The following C18orf63 variants were observed in gnomAD, a reference collection of about 807,000 sequenced individuals.
C18orf63 encodes uncharacterized protein C18orf63.
In C18orf63, 50 loss-of-function variants were observed where a neutral mutation model predicts 75.3. The observed-to-expected ratio is 0.66, with a 90% confidence interval of 0.53 to 0.84. C18orf63 has a LOEUF of 0.84. C18orf63 is among the 40% of genes least tolerant of loss of function. The pLI is 0.00. For missense variants in C18orf63, 732 were observed against 800.2 expected (o/e 0.91, Z 1.03); for synonymous variants, 232 against 267.6 (o/e 0.87, Z 1.30).
At chr18:74,354,635 C>G in intron 13 of C18orf63, 89 bp downstream of exon 13, 1 of 616,112 alleles carries the variant, frequency 1.6e-6, no homozygotes, top group Non-Finnish European at 2.8e-6. Context: ...TGGTAAAAAG[C>G]AGCTACTTTT....
At chr18:74,335,364 T>A (rs754717268) in intron 7 of C18orf63, among the ~76,000 whole-genome samples, 1 of 152,134 alleles carries the variant, frequency 6.6e-6, no homozygotes, top group Non-Finnish European at 1.5e-5. Flanking sequence ...TAATTCATTA[T>A]GAAAAATGGG....
Position 74,343,459 on chromosome 18 carries a change from C to T in C18orf63, c.795-60C>T. 6 of 1,067,884 alleles carry T rather than the reference C, an allele frequency of 5.6e-6. No individual in the cohort carries two copies. In the South Asian group the frequency reaches 5.7e-5, roughly 10 times the overall value. 66.2% of individuals were successfully genotyped at this position (1,067,884 alleles called of 1,614,324 possible). On this transcript the variant is annotated intron_variant, in intron 10 of 13. Coordinates refer to ENST00000579455, the MANE Select transcript of C18orf63 (RefSeq NM_001174123.2). The stretch of plus-strand genomic sequence containing the variant: ...TGCTACTTTACTACTTTTTAAAATC[C>T]CTTATAAATTTCTGCCTCTTATGTA...
At chr18:74,337,028 G>T (rs1014844723) in intron 7 of C18orf63, among the ~76,000 whole-genome samples, 3 of 151,950 alleles carry the variant, frequency 2.0e-5, no homozygotes, top group African/African-American at 7.2e-5. Context: ...TCTCCTTCAA[G>T]TTTATTATCT....
Position 74,358,768 on chromosome 18 carries a change from G to A in C18orf63, c.*2321G>A, listed in dbSNP as rs147010286. The A allele has an allele frequency of 6.6e-6, 1 of 152,162 alleles. No homozygotes were observed. 9.4% of individuals were successfully genotyped at this position (152,162 alleles called of 1,614,324 possible). On this transcript the variant is annotated 3_prime_UTR_variant, in exon 14 of 14. Transcript: ENST00000579455. Reference sequence around the variant, plus strand: ...AATATATGGCAATGTCAAAATAAATGCCAAGAATCATATTTCTAGGAATGC... The same window carrying A: ...AATATATGGCAATGTCAAAATAAATACCAAGAATCATATTTCTAGGAATGC...
intron 13 of C18orf63, among the ~76,000 whole-genome samples, chr18:74,355,584 C>T (rs1192504774): frequency 1.3e-5 from 2 of 151,964 alleles, no homozygotes; most frequent in African/African-American, 2.4e-5. Context: ...AGTTCCAGAC[C>T]AGCCTGGGCA....
intron 4 of C18orf63, 147 bp downstream of exon 4, chr18:74,322,901 A>G (rs1169199425): frequency 9.6e-6 from 3 of 311,980 alleles, no homozygotes; most frequent in Non-Finnish European, 1.8e-5. Context: ...TTTTCTAACA[A>G]TTATTATGTG....
intron 11 of C18orf63, 23 bp downstream of exon 11, chr18:74,343,725 T>G (rs1984526491): frequency 7.0e-7 from 1 of 1,419,816 alleles, no homozygotes; most frequent in South Asian, 1.4e-5. Flanking sequence ...TTGTCCTATC[T>G]AGTTCTCCAA....
At chr18:74,342,471 A>G (rs1419913881) in intron 10 of C18orf63, 145 bp downstream of exon 10, 5 of 572,716 alleles carry the variant, frequency 8.7e-6, no homozygotes, top group African/African-American at 1.9e-5. Flanking sequence ...TCTTATCTGC[A>G]CAAGTGTTTC....
intron 11 of C18orf63, among the ~76,000 whole-genome samples, chr18:74,345,683 T>A (rs1453490250): frequency 6.6e-6 from 1 of 152,132 alleles, no homozygotes; most frequent in Non-Finnish European, 1.5e-5. Flanking sequence ...TTTGCAGCAC[T>A]ACCTTTGTCA....
chr18:74,355,583 C>T (rs1444853152), intron 13 of C18orf63, among the ~76,000 whole-genome samples: 1 of 152,014 alleles, frequency 6.6e-6, no homozygotes, highest in Non-Finnish European at 1.5e-5. Context: ...GAGTTCCAGA[C>T]CAGCCTGGGC....
At chr18:74,341,408 T>C (rs887812749) in intron 8 of C18orf63, among the ~76,000 whole-genome samples, 1 of 146,080 alleles carries the variant, frequency 6.8e-6, no homozygotes, top group Non-Finnish European at 1.5e-5. Flanking sequence ...TAAGAAGGGG[T>C]GAGGTGGCTC....
rs1000141760 is a variant in C18orf63 at position 74,356,489 on chromosome 18, A to G, written c.*42A>G. The G allele has an allele frequency of 1.3e-5, 2 of 152,652 alleles. No homozygotes were observed. Among genetic ancestry groups the G allele is most frequent in the African/African-American group, 2.4e-5 (1 of 41,454 alleles). The allele number at this position is 152,652 out of a possible 1,614,324, so 9.5% of individuals were successfully genotyped here. ...GTAATTTCTCTTTGCAGAGATGAGC[A>G]TTCTGAATATAGGATGAACACTCTT... On this transcript the variant is annotated 3_prime_UTR_variant, in exon 14 of 14. Transcript: ENST00000579455.
At chr18:74,334,926 T>C (rs1305430545) in intron 7 of C18orf63, among the ~76,000 whole-genome samples, 1 of 152,186 alleles carries the variant, frequency 6.6e-6, no homozygotes, top group South Asian at 2.1e-4. Flanking sequence ...CATCCTTCCA[T>C]GTCTTTGATC....
In C18orf63 at chr18:74,344,359, T is replaced by TATG; in HGVS notation, c.978+657_978+658insATG. 1.3e-3 allele frequency among the ~76,000 whole-genome samples: 200 copies of TATG among 148,968 alleles called. 3 individuals are homozygous for TATG. The highest frequency in any genetic ancestry group is 4.7e-3 in the African/African-American group (180 of 38,534). On this transcript the variant is annotated intron_variant, in intron 11 of 13. Transcript: ENST00000579455. The stretch of plus-strand genomic sequence containing the variant: ...ATTGGGGAGGGAGGGTGTTTTCTAC[T>TATG]GAGTTTGTCTCCTCTGCATTTTTAA...
chr18:74,353,300 C>G lies in C18orf63; in HGVS notation c.1033C>G (p.Leu345Val). ...CACTAAAAAAATGCTTAGGGCATCT[C>G]TGACTCAAGCCACTTCCAGAAAGCC... ...LTTKKMLRASLTQATSRKPAC... is the reference protein window; with the variant it reads ...LTTKKMLRASVTQATSRKPAC... The change falls in exon 12 of 14, where the codon CTG becomes GTG. Residue 345 changes from leucine (L) to valine (V), a missense_variant. By Grantham distance (32) the Leu-to-Val change is conservative (BLOSUM62 1). Transcript: ENST00000579455. The G allele has an allele frequency of 1.3e-6, 2 of 1,536,402 alleles. No homozygotes were observed. The highest frequency in any genetic ancestry group is 1.7e-4 in the Middle Eastern group (1 of 5,994).
In C18orf63 at chr18:74,342,229, CTTAA is replaced by C. The variant is rs778555638; in HGVS notation, c.709-9_709-6del. The C allele has an allele frequency of 1.1e-4, 159 of 1,509,010 alleles. 2 individuals are homozygous for C. In the South Asian group the frequency reaches 1.9e-3, roughly 18 times the overall value. 93.5% of individuals were successfully genotyped at this position (1,509,010 alleles called of 1,614,324 possible). A position where few individuals can be genotyped will look rare whatever the true frequency, so the allele number is the denominator to read the frequency against. On this transcript the variant is annotated splice_polypyrimidine_tract_variant and splice_region_variant and intron_variant, in intron 9 of 13. Coordinates refer to ENST00000579455, the MANE Select transcript of C18orf63 (RefSeq NM_001174123.2). ...TCTCCAAGATATTTAAAATTTTGTG[CTTAA>C]TTTTTAGTATGGCTATAAACTTCCA...
Position 74,336,795 on chromosome 18 carries a change from T to C in C18orf63, c.502-1920T>C, listed in dbSNP as rs540016666. Among the ~76,000 whole-genome samples, 3 of 152,244 alleles carry C rather than the reference T, an allele frequency of 2.0e-5. No homozygotes were observed. In the East Asian group the frequency reaches 5.8e-4, roughly 29 times the overall value. ...CTGTTCCCCCTGTGTAATTATTCTT[T>C]TCATTAGTGGCATCAGCAGTCAATA... On this transcript the variant is annotated intron_variant, in intron 7 of 13. Transcript: ENST00000579455.
chr18:74,320,738 C>T (rs1326808149), intron 3 of C18orf63, 147 bp downstream of exon 3: 2 of 504,868 alleles, frequency 4.0e-6, no homozygotes, highest in East Asian at 3.3e-5. Context: ...GGATTATTAA[C>T]AAACTAATAT....
intron 11 of C18orf63, among the ~76,000 whole-genome samples, chr18:74,350,625 G>T (rs1343388659): frequency 6.6e-6 from 1 of 152,072 alleles, no homozygotes; most frequent in African/African-American, 2.4e-5. Flanking sequence ...CTAAAACTGA[G>T]ATAATATGTT....
Sources: gnomAD v4.1 joint callset for allele counts (sites outside exome capture counted in the v4.1 genomes callset) on GRCh38, gnomAD v4.1.1 for gene constraint, MANE v1.5 for transcripts, NCBI Gene and HGNC (gene_info 2026-07-23, HGNC 2026-07-21) for gene names.